The following KIF26B variants were observed in gnomAD, a reference collection of about 807,000 sequenced individuals.
KIF26B encodes kinesin-like protein KIF26B.
Under a neutral mutation model 151.2 loss-of-function variants are expected in KIF26B, and 63 were observed. The observed-to-expected ratio is 0.42, with a 90% CI of 0.34 to 0.51. The LOEUF (loss-of-function observed/expected upper bound fraction) is 0.51. KIF26B is among the 20% of genes least tolerant of loss of function. The probability of loss-of-function intolerance (pLI) is 0.07; values close to 1 mark genes in which losing one functional copy is unlikely to be tolerated. For missense variants in KIF26B, 2,813 were observed against 2,913.6 expected, an observed-to-expected ratio of 0.97 and a Z score of 0.79; for synonymous variants, 1,357 against 1,262.1, an observed-to-expected ratio of 1.08 and a Z score of -1.59.
At chr1:245,380,607 C>T (rs1036573124) in intron 3 of KIF26B, among the ~76,000 whole-genome samples, 3 of 152,152 alleles carry the variant, frequency 2.0e-5, no homozygotes, top group Admixed American at 6.5e-5. Flanking sequence ...GCCTGTCAGG[C>T]GACCTGTGCC....
chr1:245,370,392 G>T (rs986747824), intron 3 of KIF26B, among the ~76,000 whole-genome samples: 1 of 149,042 alleles, frequency 6.7e-6, no homozygotes, highest in Non-Finnish European at 1.5e-5. Context: ...GGCAAAAACC[G>T]CAATGACTTT....
intron 2 of KIF26B, among the ~76,000 whole-genome samples, chr1:245,317,922 C>A (rs759466095): frequency 6.6e-6 from 1 of 152,188 alleles, no homozygotes; most frequent in Non-Finnish European, 1.5e-5. Flanking sequence ...ATCTTTCCGT[C>A]TTCAATGGCC....
intron 2 of KIF26B, among the ~76,000 whole-genome samples, chr1:245,203,255 A>AAAAAAAAAGG (rs61541280): frequency 7.7e-6 from 1 of 129,746 alleles, no homozygotes; most frequent in East Asian, 2.2e-4. Flanking sequence ...TCAAAAAAAA[A>AAAAAAAAAGG]AAAAGAAAAT....
At chr1:245,408,353 T>TCC (rs1674189018) in intron 3 of KIF26B, among the ~76,000 whole-genome samples, 1 of 101,244 alleles carries the variant, frequency 9.9e-6, no homozygotes, top group African/African-American at 8.4e-5. Context: ...ATGATTCTTT[T>TCC]TTTTTTTTTT....
intron 3 of KIF26B, 24 bp from the exon 4 acceptor site, chr1:245,419,555 C>T (rs777862710): frequency 1.9e-6 from 3 of 1,596,188 alleles, no homozygotes; most frequent in Non-Finnish European, 2.6e-6. Flanking sequence ...AGGTAATGAG[C>T]TCCGTATCCA....
chr1:245,334,056 G>A (rs888479190), intron 2 of KIF26B, among the ~76,000 whole-genome samples: 17 of 152,144 alleles, frequency 1.1e-4, no homozygotes, highest in African/African-American at 4.1e-4. Flanking sequence ...TGGGGTGGGC[G>A]ATTTATTTGG....
chr1:245,409,598 T>C (rs187759072), intron 3 of KIF26B, among the ~76,000 whole-genome samples: 13 of 152,340 alleles, frequency 8.5e-5, no homozygotes, highest in African/African-American at 3.1e-4. Flanking sequence ...CTGAGTCAAA[T>C]GCTGTGGATG....
intron 4 of KIF26B, among the ~76,000 whole-genome samples, chr1:245,489,092 T>C (rs1538468): frequency 1 from 152,002 of 152,348 alleles, 75,831 homozygotes; most frequent in Middle Eastern, 1. Flanking sequence ...ACGGATAGTC[T>C]GGCGGCACGT....
chr1:245,571,839 T>C (rs147913807), intron 5 of KIF26B, among the ~76,000 whole-genome samples: 49 of 152,322 alleles, frequency 3.2e-4, no homozygotes, highest in African/African-American at 1.1e-3. Context: ...TTGGGAGACG[T>C]AGGAAAATTA....
intron 4 of KIF26B, among the ~76,000 whole-genome samples, chr1:245,476,823 G>T (rs1192051614): frequency 6.6e-6 from 1 of 151,730 alleles, no homozygotes; most frequent in Non-Finnish European, 1.5e-5. Context: ...ACCGCACCTG[G>T]CCACCCCTTT....
intron 2 of KIF26B, among the ~76,000 whole-genome samples, chr1:245,288,415 C>T (rs935834017): frequency 6.6e-6 from 1 of 152,190 alleles, no homozygotes; most frequent in Non-Finnish European, 1.5e-5. Flanking sequence ...ACGATCAGTT[C>T]TAAATGCCTC....
At chr1:245,265,454 A>G (rs193056906) in intron 2 of KIF26B, among the ~76,000 whole-genome samples, 19 of 152,292 alleles carry the variant, frequency 1.2e-4, no homozygotes, top group Admixed American at 1.2e-3. Flanking sequence ...AGAGGTTGCA[A>G]TGAAGGTCCT....
At position 245,156,686 on chromosome 1, in the gene KIF26B, G is replaced by A. The variant is rs1214983821; in HGVS notation, c.465+3G>A. The A allele has an allele frequency of 1.3e-6, 2 of 1,481,966 alleles. No homozygotes were observed. Among genetic ancestry groups the A allele is most frequent in the Middle Eastern group, 2.4e-4 (1 of 4,194 alleles). The allele number at this position is 1,481,966 out of a possible 1,614,324, so 91.8% of individuals were successfully genotyped here. A position where few individuals can be genotyped will look rare whatever the true frequency, so the allele number is the denominator to read the frequency against. Reference sequence around the variant, plus strand: ...TCCCGGGGCCCTTCCCGGGCAAGGTGAGCGCCGCGCGGGGCTGGCTGGGGA... The same window carrying A: ...TCCCGGGGCCCTTCCCGGGCAAGGTAAGCGCCGCGCGGGGCTGGCTGGGGA... On this transcript the variant is annotated splice_donor_region_variant and intron_variant, in intron 2 of 14. Transcript: ENST00000407071.
intron 2 of KIF26B, among the ~76,000 whole-genome samples, chr1:245,226,771 C>G (rs1039674795): frequency 6.6e-6 from 1 of 152,048 alleles, no homozygotes; most frequent in East Asian, 1.9e-4. Context: ...CCAGATGCAT[C>G]TCTTTGAGTT....
At chr1:245,647,382 G>A (rs1264890830) in intron 10 of KIF26B, among the ~76,000 whole-genome samples, 1 of 126,686 alleles carries the variant, frequency 7.9e-6, no homozygotes, top group Non-Finnish European at 1.5e-5. Context: ...CCAAGATCAC[G>A]CCACTGCACT....
At chr1:245,444,207 G>C (rs1392084188) in intron 4 of KIF26B, among the ~76,000 whole-genome samples, 5 of 108,914 alleles carry the variant, frequency 4.6e-5, no homozygotes, top group Admixed American at 2.6e-4. Flanking sequence ...TCACCTAGAG[G>C]AGAGGTCATC....
In KIF26B at chr1:245,247,817, C is replaced by T. The variant is rs553718319; in HGVS notation, c.465+91134C>T. The stretch of plus-strand genomic sequence containing the variant: ...GAGAAGAGGGAACAGAGAGGAGCCT[C>T]GTGGCCTCAACCACTATTTTATCGT... On this transcript the variant is annotated intron_variant, in intron 2 of 14. Transcript: ENST00000407071. Among the ~76,000 whole-genome samples the T allele has an allele frequency of 1.7e-3, 261 of 152,324 alleles. 1 individual carries two copies. Among genetic ancestry groups the T allele is most frequent in the African/African-American group, 6.2e-3 (256 of 41,582 alleles).
chr1:245,663,051 C>T (rs943777049), intron 10 of KIF26B, among the ~76,000 whole-genome samples: 3 of 151,280 alleles, frequency 2.0e-5, no homozygotes, highest in Admixed American at 1.3e-4. Flanking sequence ...TTCCCTTCTG[C>T]TATTTTGTCC....
At chr1:245,161,547 G>A (rs1487728453) in intron 2 of KIF26B, among the ~76,000 whole-genome samples, 1 of 152,096 alleles carries the variant, frequency 6.6e-6, no homozygotes, top group East Asian at 1.9e-4. Context: ...TACCATGAGT[G>A]GGCCAACAAT....
Sources: allele counts gnomAD v4.1 joint callset (sites outside exome capture counted in the v4.1 genomes callset), GRCh38; gene constraint gnomAD v4.1.1; transcripts MANE v1.5; gene names NCBI Gene and HGNC (gene_info 2026-07-23, HGNC 2026-07-21).